The following DPYSL5 variants were observed in gnomAD, a reference collection of about 807,000 sequenced individuals.
DPYSL5 encodes dihydropyrimidinase like 5.
A neutral mutation model predicts 58.4 loss-of-function variants in DPYSL5; 9 were observed. The ratio of observed to expected loss-of-function variants is 0.15; its 90% CI spans 0.09 to 0.27. The LOEUF is 0.27. Ranked by LOEUF, DPYSL5 falls within the 10% of genes least tolerant of loss-of-function variation. The pLI, the probability that DPYSL5 is intolerant of heterozygous loss-of-function variation, is 1.00. For synonymous variants in DPYSL5, 293 were observed against 301.9 expected (o/e 0.97, Z 0.31); for missense variants, 499 against 770.6 (o/e 0.65, Z 4.17).
chr2:26,945,944 T>A (rs1211518837), intron 12 of DPYSL5, among the ~76,000 whole-genome samples: 1 of 151,812 alleles, frequency 6.6e-6, no homozygotes, highest in Non-Finnish European at 1.5e-5. Flanking sequence ...AGAGATGAGG[T>A]CCCTGTTGGA....
rs986765364 is a variant in DPYSL5, at chr2:26,905,572, C to A, written c.261+6812C>A. Among the ~76,000 whole-genome samples the A allele has an allele frequency of 2.0e-5, 3 of 152,168 alleles. No individual in the cohort carries two copies. Among genetic ancestry groups the A allele is most frequent in the Non-Finnish European group, 1.5e-5 (1 of 68,038 alleles). The stretch of plus-strand genomic sequence containing the variant: ...CAGCTCGTTTTCCATGCTCGTTCTT[C>A]CTGCTGCCCTACCACCCCTCCGGCC... On this transcript the variant is annotated intron_variant, in intron 2 of 12. Transcript: ENST00000288699. The surrounding 1 kb of genome is among the most constrained non-coding windows in gnomAD (Gnocchi z 4.0).
intron 9 of DPYSL5, among the ~76,000 whole-genome samples, chr2:26,941,498 T>C (rs949727466): frequency 6.6e-6 from 1 of 152,210 alleles, no homozygotes; most frequent in Non-Finnish European, 1.5e-5. Context: ...ACTAAGCTCA[T>C]GGAAGGCCAA....
chr2:26,936,501 C>T (rs1665181354), intron 8 of DPYSL5, among the ~76,000 whole-genome samples: 1 of 152,196 alleles, frequency 6.6e-6, no homozygotes, highest in Non-Finnish European at 1.5e-5. Flanking sequence ...GGGCAGTACG[C>T]ACCACGGCAT....
intron 9 of DPYSL5, 24 bp downstream of exon 9, chr2:26,940,196 C>A: frequency 6.2e-7 from 1 of 1,611,536 alleles, no homozygotes; most frequent in South Asian, 1.1e-5. Context: ...AGCCCCGCCC[C>A]GATCTGATCC....
At position 26,944,668 on chromosome 2, in the gene DPYSL5, A is replaced by G. The variant is rs200305979; in HGVS notation, c.1453A>G (p.Arg485Gly). Residue 485 changes from arginine (R) to glycine (G), a missense_variant, in exon 12 of 13, where the codon AGA becomes GGA. Physicochemically the swap from Arg to Gly is moderately radical, Grantham distance 125. Transcript: ENST00000288699. The surrounding 1 kb of genome is among the most constrained non-coding windows in gnomAD (Gnocchi z 4.4). ...CATCCTTCCCTAGACTTTAAAGGTT[A>G]GAGGAGTGGACCGCACTCCCTACCT... ...LVQREKTLKV[R>G]GVDRTPYLGD... is the part of the protein sequence containing the mutation. 135 of 1,613,768 alleles carry G rather than the reference A, an allele frequency of 8.4e-5. No individual in the cohort carries two copies. The highest frequency in any genetic ancestry group is 1.6e-4 in the Middle Eastern group (1 of 6,080).
At chr2:26,895,618 C>T (rs920385086) in intron 1 of DPYSL5, among the ~76,000 whole-genome samples, 4 of 151,948 alleles carry the variant, frequency 2.6e-5, no homozygotes, top group East Asian at 1.9e-4. Context: ...TTCAAGAATA[C>T]AATGTTATTA....
Position 26,936,928 on chromosome 2 carries a change from A to G in DPYSL5, c.947+2194A>G, listed in dbSNP as rs962406800. The stretch of plus-strand genomic sequence containing the variant: ...ACAACTGCACTCCAGCGTGGGCAAC[A>G]AGAGCAAGACTTCATTTAAAAAAAA... On this transcript the variant is annotated intron_variant, in intron 8 of 12. Coordinates refer to ENST00000288699, the MANE Select transcript of DPYSL5 (RefSeq NM_020134.4). Among the ~76,000 whole-genome samples, 11 of 133,606 alleles carry G rather than the reference A, an allele frequency of 8.2e-5. No homozygotes were observed. In the South Asian group the frequency reaches 2.4e-3, roughly 30 times the overall value. 87.7% of individuals were successfully genotyped at this position (133,606 alleles called of 152,430 possible).
At chr2:26,946,373 T>C (rs955505431) in intron 12 of DPYSL5, among the ~76,000 whole-genome samples, 2 of 151,830 alleles carry the variant, frequency 1.3e-5, no homozygotes, top group Admixed American at 6.6e-5. Flanking sequence ...TCCGGGGCAC[T>C]AGACCCTCCC....
At chr2:26,895,078 C>T (rs1370310751) in intron 1 of DPYSL5, among the ~76,000 whole-genome samples, 1 of 152,176 alleles carries the variant, frequency 6.6e-6, no homozygotes, top group Admixed American at 6.5e-5. Context: ...ATTGCTTTTG[C>T]ACCTTTGTCA....
intron 5 of DPYSL5, among the ~76,000 whole-genome samples, chr2:26,930,376 G>A (rs950682078): frequency 2.6e-5 from 4 of 152,214 alleles, no homozygotes; most frequent in Admixed American, 2.6e-4. Flanking sequence ...TATGCCAGGG[G>A]AGATGTTGCT....
At chr2:26,861,887 C>G (rs1666027152) in intron 1 of DPYSL5, among the ~76,000 whole-genome samples, 1 of 152,122 alleles carries the variant, frequency 6.6e-6, no homozygotes, top group Non-Finnish European at 1.5e-5. Flanking sequence ...TTATATAATA[C>G]CTTATCTTGC....
intron 2 of DPYSL5, among the ~76,000 whole-genome samples, chr2:26,923,192 G>T (rs1187379014): frequency 6.6e-6 from 1 of 152,186 alleles, no homozygotes; most frequent in Non-Finnish European, 1.5e-5. Flanking sequence ...CTGGCTGGGT[G>T]CAGTGGTTCA....
intron 1 of DPYSL5, among the ~76,000 whole-genome samples, chr2:26,889,791 ACC>A (rs766295665): frequency 4.0e-5 from 6 of 151,386 alleles, no homozygotes; most frequent in Non-Finnish European, 7.4e-5. Flanking sequence ...CCACTCACCC[ACC>A]CTCTGCCTGA....
intron 1 of DPYSL5, among the ~76,000 whole-genome samples, chr2:26,869,185 G>A (rs1046116045): frequency 1.1e-4 from 16 of 152,122 alleles, no homozygotes; most frequent in African/African-American, 2.9e-4. Context: ...GGTGGATTTC[G>A]AGCTCCTAGG....
chr2:26,908,304 G>T (rs1041834427), intron 2 of DPYSL5, among the ~76,000 whole-genome samples: 56 of 152,184 alleles, frequency 3.7e-4, no homozygotes, highest in African/African-American at 1.3e-3. Context: ...ATTTCAAACA[G>T]AGTCTGATAG....
intron 12 of DPYSL5, among the ~76,000 whole-genome samples, chr2:26,945,029 C>G (rs1252580488): frequency 6.6e-6 from 1 of 152,162 alleles, no homozygotes; most frequent in Non-Finnish European, 1.5e-5. Flanking sequence ...CACAGACGCT[C>G]TAATAGGCCA....
At position 26,942,847 on chromosome 2, in the gene DPYSL5, T is replaced by C. The variant is rs530428966; in HGVS notation, c.1440+97T>C. The C allele has an allele frequency of 7.2e-6, 10 of 1,390,472 alleles. No homozygotes were observed. The East Asian group carries it at 2.1e-4, about 30-fold the overall frequency. The allele number at this position is 1,390,472 out of a possible 1,614,324, so 86.1% of individuals were successfully genotyped here. On this transcript the variant is annotated intron_variant, in intron 11 of 12. Transcript: ENST00000288699. The surrounding 1 kb of genome is among the most constrained non-coding windows in gnomAD (Gnocchi z 5.9). ...AATCTCAAAGAGATGTTCACTCCAGTTTTCGACCCAATTCCATTGCACTTT... is the reference window on the plus strand; with the variant it reads ...AATCTCAAAGAGATGTTCACTCCAGCTTTCGACCCAATTCCATTGCACTTT...
intron 5 of DPYSL5, among the ~76,000 whole-genome samples, chr2:26,929,185 A>T (rs1274970241): frequency 2.0e-5 from 3 of 152,140 alleles, no homozygotes; most frequent in South Asian, 2.1e-4. Flanking sequence ...CCTTATGAGA[A>T]TCTAACTAAT....
chr2:26,921,048 C>A (rs1664690327), intron 2 of DPYSL5, among the ~76,000 whole-genome samples: 1 of 152,132 alleles, frequency 6.6e-6, no homozygotes, highest in South Asian at 2.1e-4. Context: ...TAAATAGGGA[C>A]CTTTGACAGG....
Sources: allele counts gnomAD v4.1 joint callset (sites outside exome capture counted in the v4.1 genomes callset), GRCh38; gene constraint gnomAD v4.1.1; non-coding constraint Gnocchi (gnomAD v3.1); transcripts MANE v1.5; gene names NCBI Gene and HGNC (gene_info 2026-07-23, HGNC 2026-07-21).